SYNPO: variants seen among roughly 807,000 people sequenced by gnomAD.
The protein encoded by SYNPO is synaptopodin.
In SYNPO, 19 loss-of-function variants were observed where a neutral mutation model predicts 49.5. That is an observed-to-expected ratio of 0.38 (90% CI 0.27 to 0.56). The LOEUF is 0.56. SYNPO is among the 20% of genes least tolerant of loss of function. The pLI, the probability that SYNPO is intolerant of heterozygous loss-of-function variation, is 0.68. For missense variants in SYNPO, 1,131 were observed against 1,248.3 expected, an observed-to-expected ratio of 0.91 and a Z score of 1.42; for synonymous variants, 536 against 548.0, an observed-to-expected ratio of 0.98 and a Z score of 0.31.
In SYNPO at chr5:150,640,663, A is replaced by G. The variant is rs1757870415; in HGVS notation, c.-524A>G. 1.0e-6 allele frequency: 1 copy of G among 985,606 alleles called. No individual in the cohort carries two copies. The highest frequency in any genetic ancestry group is 4.7e-5 in the South Asian group (1 of 21,290). 61.1% of individuals were successfully genotyped at this position (985,606 alleles called of 1,614,324 possible). A position where few individuals can be genotyped will look rare whatever the true frequency, so the allele number is the denominator to read the frequency against. On this transcript the variant is annotated 5_prime_UTR_variant, in exon 1 of 3. The change creates a new upstream start codon in the 5' untranslated region. Coordinates refer to ENST00000307662, the MANE Select transcript of SYNPO (RefSeq NM_007286.6). The stretch of plus-strand genomic sequence containing the variant: ...CTGTTGCAAAATCGGTTTTCCTGAT[A>G]AAGAGCTGGGCTGAGTCATCTGTGG...
At chr5:150,603,036 G>GTGTGTGTA (rs1756592081) in intron 1 of SYNPO, among the ~76,000 whole-genome samples, 2 of 151,516 alleles carry the variant, frequency 1.3e-5, no homozygotes, top group Admixed American at 1.3e-4. Flanking sequence ...GTGTGTGTGT[G>GTGTGTGTA]TGTGTGGTGT....
At chr5:150,612,686 T>C (rs1038801459) in intron 1 of SYNPO, among the ~76,000 whole-genome samples, 74 of 152,374 alleles carry the variant, frequency 4.9e-4, no homozygotes, top group African/African-American at 1.7e-3. Context: ...AATGAGCTGC[T>C]GCAAATGAAG....
At chr5:150,614,000 T>G (rs187765025) in intron 1 of SYNPO, among the ~76,000 whole-genome samples, 10 of 152,304 alleles carry the variant, frequency 6.6e-5, no homozygotes, top group Non-Finnish European at 1.0e-4. Context: ...CATTGCAGTC[T>G]GTGCACACCA....
In SYNPO at chr5:150,650,141, C is replaced by T. The variant is rs1431117178; in HGVS notation, c.1866C>T (p.Gly622=). The part of the protein sequence containing the change: ...ALPRPSRSSP[G]LYTSPGQDSL... The stretch of plus-strand genomic sequence containing the variant: ...CTCGGCCCTCGCGCTCCTCACCGGG[C>T]CTCTACACCTCCCCCGGCCAGGACA... Residue 622 remains glycine, a synonymous_variant, in exon 2 of 3, where the codon GGC becomes GGT. Coordinates refer to ENST00000307662, the MANE Select transcript of SYNPO (RefSeq NM_007286.6). The T allele has an allele frequency of 2.5e-6, 4 of 1,612,666 alleles. No homozygotes were observed. The South Asian group carries it at 4.4e-5, about 18-fold the overall frequency.
At chr5:150,641,540 C>A (rs1335132342) in intron 1 of SYNPO, among the ~76,000 whole-genome samples, 1 of 146,628 alleles carries the variant, frequency 6.8e-6, no homozygotes, top group Non-Finnish European at 1.5e-5. Context: ...GCCTCCCTTC[C>A]CCGGCCCCAC....
In SYNPO at chr5:150,657,407, C is replaced by T. The variant is rs141448810; in HGVS notation, c.*320C>T. 2,913 of 314,278 alleles carry T rather than the reference C, an allele frequency of 9.3e-3. 88 individuals carry two copies. The highest frequency in any genetic ancestry group is 0.074 in the African/African-American group (2,748 of 37,098). The allele number at this position is 314,278 out of a possible 1,614,324, so 19.5% of individuals were successfully genotyped here. A position where few individuals can be genotyped will look rare whatever the true frequency, so the allele number is the denominator to read the frequency against. On this transcript the variant is annotated 3_prime_UTR_variant, in exon 3 of 3. Transcript: ENST00000307662. ...CAGTACACACACCGATGCACACACA[C>T]TCTCTCTTTCTCTCTCTCTCTCTCT...
At chr5:150,624,905 G>A (rs955302224) in intron 2 of SYNPO, 37 of 985,426 alleles carry the variant, frequency 3.8e-5, no homozygotes, top group Non-Finnish European at 4.2e-5. Flanking sequence ...GCAGCGGCTG[G>A]AGGTGAGTGA....
At chr5:150,616,751 C>T (rs1262333952) in intron 1 of SYNPO, among the ~76,000 whole-genome samples, 1 of 152,076 alleles carries the variant, frequency 6.6e-6, no homozygotes, top group Admixed American at 6.6e-5. Flanking sequence ...GCATCCTAGG[C>T]TCCTCCCTCT....
chr5:150,650,844 C>T (rs1758352217), intron 2 of SYNPO: 3 of 1,274,212 alleles, frequency 2.4e-6, no homozygotes, highest in Admixed American at 3.7e-5. Context: ...GGATTCTCAC[C>T]TCCATGGGCC....
rs58828199 is a variant in SYNPO at position 150,657,432 on chromosome 5, T to TCA, written c.*389_*390dup. 1,358 of 139,726 alleles carry TCA rather than the reference T, an allele frequency of 9.7e-3. 14 individuals are homozygous for TCA. The highest frequency in any genetic ancestry group is 0.031 in the South Asian group (149 of 4,830). The allele number at this position is 139,726 out of a possible 1,614,324, so 8.7% of individuals were successfully genotyped here. ...CTCTCTCTTTCTCTCTCTCTCTCTC[T>TCA]CACACACACACACACACACACACAC... On this transcript the variant is annotated 3_prime_UTR_variant, in exon 3 of 3. Coordinates refer to ENST00000307662, the MANE Select transcript of SYNPO (RefSeq NM_007286.6).
At chr5:150,626,011 G>T (rs1228921251) in intron 2 of SYNPO, among the ~76,000 whole-genome samples, 1 of 152,232 alleles carries the variant, frequency 6.6e-6, no homozygotes, top group Non-Finnish European at 1.5e-5. Flanking sequence ...CAGCAGTGCT[G>T]GTGGTAGCTG....
In SYNPO at chr5:150,640,871, C is replaced by T. The variant is rs1757878642; in HGVS notation, c.-333+17C>T. ...CCTAGCAGAGTGAGTAAGATGAGCA[C>T]CCGGAGGTGCCTTTGTGGCTTGGGG... On this transcript the variant is annotated intron_variant, in intron 1 of 2. Coordinates refer to ENST00000307662, the MANE Select transcript of SYNPO (RefSeq NM_007286.6). 9 of 984,472 alleles carry T rather than the reference C, an allele frequency of 9.1e-6. No homozygotes were observed. Among genetic ancestry groups the T allele is most frequent in the Non-Finnish European group, 9.7e-6 (8 of 829,010 alleles). The allele number at this position is 984,472 out of a possible 1,614,324, so 61.0% of individuals were successfully genotyped here.
intron 1 of SYNPO, among the ~76,000 whole-genome samples, chr5:150,644,680 T>C (rs980164552): frequency 1.3e-5 from 2 of 152,182 alleles, no homozygotes; most frequent in African/African-American, 4.8e-5. Context: ...GGCTAGCAAA[T>C]GGCAGAGCTT....
At chr5:150,597,480 C>T (rs1046940401), upstream of SYNPO, among the ~76,000 whole-genome samples, 5 of 151,984 alleles carry the variant, frequency 3.3e-5, no homozygotes, top group African/African-American at 1.2e-4. Flanking sequence ...TACAGGCACG[C>T]GTCACCACGC....
At chr5:150,598,323 C>T (rs543284185), upstream of SYNPO, among the ~76,000 whole-genome samples, 4 of 152,366 alleles carry the variant, frequency 2.6e-5, no homozygotes, top group South Asian at 6.2e-4. Flanking sequence ...GGGGCTCATC[C>T]TGTCACCAGG....
chr5:150,609,509 G>A (rs1756785293), intron 1 of SYNPO, among the ~76,000 whole-genome samples: 1 of 152,150 alleles, frequency 6.6e-6, no homozygotes, highest in South Asian at 2.1e-4. Flanking sequence ...TGGCCAGGCT[G>A]GTCTCGAACT....
the SYNPO span, among the ~76,000 whole-genome samples, chr5:150,587,429 G>A: frequency 6.6e-6 from 1 of 152,080 alleles, no homozygotes; most frequent in Non-Finnish European, 1.5e-5. Context: ...TGAGTGGCAG[G>A]ATGAACGAGT....
In SYNPO at chr5:150,657,107, C is replaced by T. The variant is rs1337395171; in HGVS notation, c.*20C>T. 2 of 1,547,750 alleles carry T rather than the reference C, an allele frequency of 1.3e-6. No homozygotes were observed. Among genetic ancestry groups the T allele is most frequent in the African/African-American group, 1.4e-5 (1 of 73,574 alleles). ...ACCTAGAGCCCCACCCCCGACCCCA[C>T]CCCGGGAGGGCAGAGCCAGAAGAAG... On this transcript the variant is annotated 3_prime_UTR_variant, in exon 3 of 3. Coordinates refer to ENST00000307662, the MANE Select transcript of SYNPO (RefSeq NM_007286.6).
intron 1 of SYNPO, among the ~76,000 whole-genome samples, chr5:150,647,013 C>T (rs1214758211): frequency 2.0e-5 from 3 of 152,030 alleles, no homozygotes; most frequent in East Asian, 3.9e-4. Flanking sequence ...GAGGCCGAGG[C>T]GGGTGGATCA....
Sources: gnomAD v4.1 joint callset for allele counts (sites outside exome capture counted in the v4.1 genomes callset) on GRCh38, gnomAD v4.1.1 for gene constraint, MANE v1.5 for transcripts, NCBI Gene and HGNC (gene_info 2026-07-23, HGNC 2026-07-21) for gene names.